KDM2B: variants seen among roughly 807,000 people sequenced by gnomAD.
KDM2B encodes lysine-specific demethylase 2B.
A neutral mutation model predicts 150.0 loss-of-function variants in KDM2B; 26 were observed. That is an observed-to-expected ratio of 0.17 (90% CI 0.13 to 0.24). KDM2B has a LOEUF of 0.24. KDM2B is among the 10% of genes least tolerant of loss of function. The pLI is 1.00. For missense variants in KDM2B, 1,265 were observed against 1,816.9 expected (o/e 0.70, Z 5.52); for synonymous variants, 734 against 729.5 (o/e 1.01, Z -0.10).
intron 9 of KDM2B, chr12:121,516,328 CCTT>C (rs1886188919): frequency 2.4e-6 from 1 of 411,190 alleles, no homozygotes. Context: ...GATAAGTCTC[CCTT>C]CTTTGTTGCT....
At chr12:121,572,987 G>A (rs899497395) in intron 4 of KDM2B, among the ~76,000 whole-genome samples, 9 of 151,424 alleles carry the variant, frequency 5.9e-5, no homozygotes, top group South Asian at 2.1e-4. Flanking sequence ...CACTACGCCC[G>A]GCTAATTTTT....
intron 13 of KDM2B, among the ~76,000 whole-genome samples, chr12:121,447,981 G>A (rs1375504140): frequency 2.6e-5 from 4 of 151,846 alleles, no homozygotes; most frequent in Admixed American, 1.3e-4. Flanking sequence ...CTATTAACAC[G>A]TCATGGGTTT....
intron 4 of KDM2B, among the ~76,000 whole-genome samples, chr12:121,573,882 C>G (rs1016966275): frequency 3.3e-5 from 5 of 152,096 alleles, no homozygotes; most frequent in Non-Finnish European, 7.4e-5. Flanking sequence ...CCACTGCACC[C>G]GGCCACTGTT....
rs1455259672 is a variant in KDM2B at position 121,513,570 on chromosome 12, G to A, written c.1048-168C>T. ...GGTGGGGTGCTGGAAGGGAGATGCCGGCAGCATGCACAAATGAGGCGGAGG... is the reference window on the plus strand; with the variant it reads ...GGTGGGGTGCTGGAAGGGAGATGCCAGCAGCATGCACAAATGAGGCGGAGG... On this transcript the variant is annotated intron_variant, in intron 9 of 22. Transcript: ENST00000377071. This position sits in a 1 kb window ranked among gnomAD's most constrained non-coding sequence, Gnocchi z 5.0. Among the ~76,000 whole-genome samples the A allele has an allele frequency of 3.9e-5, 6 of 152,126 alleles. No individual in the cohort carries two copies. Among genetic ancestry groups the A allele is most frequent in the African/African-American group, 1.4e-4 (6 of 41,430 alleles).
At chr12:121,563,578 G>T (rs1890492655) in intron 4 of KDM2B, among the ~76,000 whole-genome samples, 1 of 151,204 alleles carries the variant, frequency 6.6e-6, no homozygotes, top group Admixed American at 6.6e-5. Context: ...CTGCACTTCA[G>T]CCTGGGTGAT....
chr12:121,445,256 T>G lies in KDM2B; in HGVS notation c.2103+19A>C. 6.2e-7 allele frequency: 1 copy of G among 1,611,446 alleles called. No homozygotes were observed. Among genetic ancestry groups the G allele is most frequent in the Non-Finnish European group, 8.5e-7 (1 of 1,178,354 alleles). On this transcript the variant is annotated intron_variant, in intron 14 of 22. Transcript: ENST00000377071. ...TGCCCCAGAGCGTCAGCACCACCTG[T>G]CCCCACTGGGCCACTCACCTTAAGG...
intron 12 of KDM2B, among the ~76,000 whole-genome samples, chr12:121,477,193 C>A (rs1478380905): frequency 6.6e-6 from 1 of 152,126 alleles, no homozygotes; most frequent in Non-Finnish European, 1.5e-5. Flanking sequence ...CCCATCTCAT[C>A]CAACTAGCTG....
chr12:121,563,160 T>TA (rs1418484065), intron 4 of KDM2B, among the ~76,000 whole-genome samples: 1 of 151,336 alleles, frequency 6.6e-6, no homozygotes, highest in Non-Finnish European at 1.5e-5. Flanking sequence ...CTACAAAAAA[T>TA]AAAAAATAAC....
In KDM2B at chr12:121,549,470, C is replaced by G. The variant is rs578194588; in HGVS notation, c.566G>C (p.Arg189Pro). ...SHTKLEHLVKRPTVVDLVDWV... is the reference protein window; with the variant it reads ...SHTKLEHLVKPPTVVDLVDWV... ...GGGCCCCGGACCTACCACAGTCGGA[C>G]GCTTGACCAAGTGCTCCAGCTTGGT... Residue 189 changes from arginine (R) to proline (P), a missense_variant, in exon 5 of 23, where the codon CGT (arginine) becomes CCT (proline). By Grantham distance (103) the Arg-to-Pro change is moderately radical. Coordinates refer to ENST00000377071, the MANE Select transcript of KDM2B (RefSeq NM_032590.5). The surrounding 1 kb of genome is among the most constrained non-coding windows in gnomAD (Gnocchi z 4.4). 6.2e-7 allele frequency: 1 copy of G among 1,600,006 alleles called. No individual in the cohort carries two copies. Among genetic ancestry groups the G allele is most frequent in the Non-Finnish European group, 8.6e-7 (1 of 1,169,476 alleles).
At chr12:121,523,009 G>C (rs576321242) in intron 8 of KDM2B, among the ~76,000 whole-genome samples, 1 of 152,342 alleles carries the variant, frequency 6.6e-6, no homozygotes, top group African/African-American at 2.4e-5. Context: ...TGGCCATACT[G>C]CAAGTGCTCA....
At chr12:121,499,385 T>C (rs1257869183) in intron 11 of KDM2B, among the ~76,000 whole-genome samples, 1 of 151,494 alleles carries the variant, frequency 6.6e-6, no homozygotes, top group Non-Finnish European at 1.5e-5. Context: ...CCTCCCAAAG[T>C]GCTAGGATTA....
intron 11 of KDM2B, among the ~76,000 whole-genome samples, chr12:121,502,481 C>T (rs574794469): frequency 1.3e-5 from 2 of 151,778 alleles, no homozygotes; most frequent in African/African-American, 2.4e-5. Context: ...ATTAGCTGGG[C>T]GTGGTGGCGC....
chr12:121,413,524 G>C, the KDM2B span, among the ~76,000 whole-genome samples: 11 of 148,122 alleles, frequency 7.4e-5, no homozygotes, highest in African/African-American at 2.8e-4. Flanking sequence ...CGATTCTCCT[G>C]CCTCAGCCTC....
chr12:121,411,610 G>A, the KDM2B span, among the ~76,000 whole-genome samples: 2 of 152,158 alleles, frequency 1.3e-5, no homozygotes, highest in African/African-American at 4.8e-5. Context: ...TCTTTACCAA[G>A]AAAACATATT....
rs189436590 is a variant in KDM2B, at chr12:121,558,221, G to A, written c.398-8583C>T. ...CTTTGTCGCATGAGGAATGAGTGCT[G>A]TTATTTACTTTTATGTTCTGTGTGG... On this transcript the variant is annotated intron_variant, in intron 4 of 22. Transcript: ENST00000377071. 2.8e-4 allele frequency among the ~76,000 whole-genome samples: 43 copies of A among 152,234 alleles called. No individual in the cohort carries two copies. In the East Asian group the frequency reaches 7.1e-3, roughly 25 times the overall value.
In KDM2B at chr12:121,534,590, C is replaced by A; in HGVS notation, c.684G>T (p.Lys228Asn). The change falls in exon 7 of 23, where the codon AAG (lysine) becomes AAT (asparagine). Residue 228 changes from lysine (K) to asparagine (N), a missense_variant and splice_region_variant. Lys to Asn is a moderately conservative substitution (Grantham distance 94). Around this residue, in one of 11 missense-constraint regions of KDM2B, gnomAD observed 214 missense variants for 447.4 expected, o/e 0.48. Transcript: ENST00000377071. The stretch of plus-strand genomic sequence containing the variant: ...AACCTTTCACGCTCATCAGACAGTA[C>A]CTGCAACACAGAGGCAGGGAGACAG... ...IAEMKYPKVK[K>N]YCLMSVKGCF... 6.2e-7 allele frequency: 1 copy of A among 1,612,024 alleles called. No homozygotes were observed. Among genetic ancestry groups the A allele is most frequent in the Non-Finnish European group, 8.5e-7 (1 of 1,178,120 alleles).
chr12:121,442,991 C>A lies in KDM2B; in HGVS notation c.2604+1G>T. 6.2e-7 allele frequency: 1 copy of A among 1,613,368 alleles called. No individual in the cohort carries two copies. Among genetic ancestry groups the A allele is most frequent in the Non-Finnish European group, 8.5e-7 (1 of 1,179,710 alleles). On this transcript the variant is annotated splice_donor_variant, in intron 18 of 22. Transcript: ENST00000377071. LOFTEE classifies it high-confidence loss of function. The surrounding 1 kb of genome is among the most constrained non-coding windows in gnomAD (Gnocchi z 7.7). ...GCACAGGAGGGAGGGGAAGATGGTA[C>A]CTTTTTCCTGAAAAGCTTATCTTCT... is the stretch of plus-strand genomic sequence containing the variant.
At chr12:121,580,382 G>A (rs1170756537) in intron 1 of KDM2B, 11 of 1,118,308 alleles carry the variant, frequency 9.8e-6, no homozygotes, top group African/African-American at 1.6e-5. Context: ...GCGGCGGCCC[G>A]AGGAGGTATG....
At chr12:121,556,028 G>C (rs1889864709) in intron 4 of KDM2B, among the ~76,000 whole-genome samples, 1 of 151,952 alleles carries the variant, frequency 6.6e-6, no homozygotes, top group Admixed American at 6.6e-5. Context: ...CCAAGTTCAA[G>C]AGATCCTCCT....
Sources: allele counts gnomAD v4.1 joint callset (sites outside exome capture counted in the v4.1 genomes callset), GRCh38; gene constraint gnomAD v4.1.1; regional missense constraint gnomAD v4.1.1; non-coding constraint Gnocchi (gnomAD v3.1); transcripts MANE v1.5; gene names NCBI Gene and HGNC (gene_info 2026-07-23, HGNC 2026-07-21).